OR9Q1: variants seen among roughly 807,000 people sequenced by gnomAD.
The protein encoded by OR9Q1 is olfactory receptor 9Q1.
For synonymous variants in OR9Q1, 153 were observed against 148.6 expected, an observed-to-expected ratio of 1.03 and a Z score of -0.22; for missense variants, 374 against 378.8, an observed-to-expected ratio of 0.99 and a Z score of 0.11.
At chr11:58,030,658 TAGAC>T (rs1220646263) in intron 1 of OR9Q1, among the ~76,000 whole-genome samples, 1 of 152,232 alleles carries the variant, frequency 6.6e-6, no homozygotes, top group Non-Finnish European at 1.5e-5. Context: ...GGTTCAGCTA[TAGAC>T]AGTCTTCCCT....
chr11:58,158,531 T>C (rs1854429477), intron 2 of OR9Q1, among the ~76,000 whole-genome samples: 1 of 151,930 alleles, frequency 6.6e-6, no homozygotes, highest in Non-Finnish European at 1.5e-5. Context: ...GTCCTTGCTA[T>C]ATCACATATC....
In OR9Q1 at chr11:58,180,120, A is replaced by C. The variant is rs748918619; in HGVS notation, c.676A>C (p.Met226Leu). ...CTACCTGTTTATCATCGTGGCCATCATGGGGATCCCTGCTGGAAGCCAGGC... is the reference window on the plus strand; with the variant it reads ...CTACCTGTTTATCATCGTGGCCATCCTGGGGATCCCTGCTGGAAGCCAGGC... ...VSYLFIIVAI[M>L]GIPAGSQAKT... is the part of the protein sequence containing the mutation. Residue 226 changes from methionine (M) to leucine (L), a missense_variant, in exon 3 of 3, where the codon ATG becomes CTG. By Grantham distance (15) the Met-to-Leu change is conservative. Transcript: ENST00000335397. The C allele has an allele frequency of 3.7e-6, 6 of 1,614,124 alleles. No individual in the cohort carries two copies. The East Asian group carries it at 1.1e-4, about 30-fold the overall frequency.
intron 2 of OR9Q1, among the ~76,000 whole-genome samples, chr11:58,157,812 T>C (rs1233995168): frequency 1.3e-5 from 2 of 152,236 alleles, no homozygotes; most frequent in African/African-American, 4.8e-5. Context: ...CTTCATTTCC[T>C]GAAAACTGGA....
intron 2 of OR9Q1, among the ~76,000 whole-genome samples, chr11:58,126,592 G>T (rs964014617): frequency 6.6e-6 from 1 of 152,172 alleles, no homozygotes; most frequent in Admixed American, 6.5e-5. Flanking sequence ...ACAAAGAAGG[G>T]TGGCAGCCAC....
chr11:58,090,320 C>T (rs989193881), intron 2 of OR9Q1, among the ~76,000 whole-genome samples: 3 of 152,120 alleles, frequency 2.0e-5, no homozygotes, highest in African/African-American at 4.8e-5. Context: ...AGATACGTTC[C>T]ATCAATACCT....
intron 2 of OR9Q1, among the ~76,000 whole-genome samples, chr11:58,149,415 A>G (rs1290901925): frequency 6.6e-6 from 1 of 152,118 alleles, no homozygotes; most frequent in Non-Finnish European, 1.5e-5. Flanking sequence ...TTTCCTCTTG[A>G]TTGTTTAAAG....
In OR9Q1 at chr11:58,034,790, C is replaced by CCT. The variant is rs1451299738; in HGVS notation, c.-93+10686_-93+10687insCT. Among the ~76,000 whole-genome samples the CCT allele has an allele frequency of 5.8e-3, 235 of 40,620 alleles. 1 individual carries two copies. The highest frequency in any genetic ancestry group is 0.019 in the Middle Eastern group (2 of 106). The allele number at this position is 40,620 out of a possible 152,430, so 26.6% of individuals were successfully genotyped here. On this transcript the variant is annotated intron_variant, in intron 1 of 2. Transcript: ENST00000335397. ...TCCTTCTTCCTTCCCTCCCTCCTTTCTCCCTTCCTTCCTTCCTTCCTTCCT... is the reference window on the plus strand; with the variant it reads ...TCCTTCTTCCTTCCCTCCCTCCTTTCCTTCCCTTCCTTCCTTCCTTCCTTCCT...
chr11:58,103,938 G>C (rs990370217), intron 2 of OR9Q1, among the ~76,000 whole-genome samples: 2 of 152,158 alleles, frequency 1.3e-5, no homozygotes, highest in Admixed American at 1.3e-4. Flanking sequence ...GCTTTGCTGG[G>C]GGTGGGCTCA....
At chr11:58,084,773 G>A (rs746670796) in intron 2 of OR9Q1, among the ~76,000 whole-genome samples, 1 of 151,734 alleles carries the variant, frequency 6.6e-6, no homozygotes, top group Non-Finnish European at 1.5e-5. Flanking sequence ...GACAGACTAG[G>A]CATCAAAGGA....
chr11:58,076,403 C>T (rs1008885427), intron 2 of OR9Q1, among the ~76,000 whole-genome samples: 3 of 152,182 alleles, frequency 2.0e-5, no homozygotes, highest in Admixed American at 6.6e-5. Context: ...GTTTGCATAG[C>T]TGTGGTGCCC....
chr11:58,131,208 T>A lies in OR9Q1; in HGVS notation c.-14-48223T>A, dbSNP rs543345382. 2.6e-5 allele frequency among the ~76,000 whole-genome samples: 4 copies of A among 152,180 alleles called. No individual in the cohort carries two copies. The East Asian group carries it at 5.8e-4, about 22-fold the overall frequency. On this transcript the variant is annotated intron_variant, in intron 2 of 2. Transcript: ENST00000335397. ...ATTCAAACTCAGACCTCCACAAAGG[T>A]TCAGGGATGTAAATTATTCTCAGCT...
chr11:58,106,479 G>A (rs945454858), intron 2 of OR9Q1, among the ~76,000 whole-genome samples: 20 of 152,094 alleles, frequency 1.3e-4, no homozygotes, highest in African/African-American at 4.3e-4. Flanking sequence ...TTCCTTTGCT[G>A]TGCTGAAGGT....
chr11:58,031,446 A>AC, intron 1 of OR9Q1: 1 of 1,613,884 alleles, frequency 6.2e-7, no homozygotes, highest in South Asian at 1.1e-5. Flanking sequence ...TTGCCAATCT[A>AC]CCTCTTGTCT....
Position 58,119,844 on chromosome 11 carries a change from T to C in OR9Q1, c.-14-59587T>C, listed in dbSNP as rs150567507. Among the ~76,000 whole-genome samples the C allele has an allele frequency of 8.5e-4, 130 of 152,258 alleles. 1 individual carries two copies. The highest frequency in any genetic ancestry group is 3.0e-3 in the African/African-American group (123 of 41,556). On this transcript the variant is annotated intron_variant, in intron 2 of 2. Transcript: ENST00000335397. The stretch of plus-strand genomic sequence containing the variant: ...CTCCATCTGCAAACAGTTCCACCTG[T>C]TGATTCTCTTTTTGGACCTAGGGTT...
intron 2 of OR9Q1, among the ~76,000 whole-genome samples, chr11:58,084,181 A>G (rs1000657120): frequency 6.6e-5 from 10 of 151,722 alleles, no homozygotes; most frequent in Non-Finnish European, 1.3e-4. Context: ...CACCTCCTTT[A>G]TTAGCGGTAT....
chr11:58,033,194 G>A (rs965460485), intron 1 of OR9Q1, among the ~76,000 whole-genome samples: 18 of 152,152 alleles, frequency 1.2e-4, no homozygotes, highest in African/African-American at 3.9e-4. Context: ...AAAGCAGTTT[G>A]AAGATTTCTC....
intron 2 of OR9Q1, among the ~76,000 whole-genome samples, chr11:58,076,425 A>G (rs1278984135): frequency 2.6e-5 from 4 of 152,174 alleles, no homozygotes; most frequent in Admixed American, 6.5e-5. Flanking sequence ...TTTCCTGGCT[A>G]GCTGTCAGCC....
chr11:58,031,126 G>T (rs1166656427), intron 1 of OR9Q1: 4 of 1,614,072 alleles, frequency 2.5e-6, no homozygotes, highest in African/African-American at 1.3e-5. Flanking sequence ...ACCGACTACG[G>T]AGACCCATGT....
intron 1 of OR9Q1, among the ~76,000 whole-genome samples, chr11:58,039,246 C>T (rs1016178240): frequency 2.0e-5 from 3 of 152,210 alleles, no homozygotes; most frequent in African/African-American, 7.2e-5. Context: ...GCCTTGGCCT[C>T]CCCAAGTTCT....
Sources: gnomAD v4.1 joint callset for allele counts (sites outside exome capture counted in the v4.1 genomes callset) on GRCh38, gnomAD v4.1.1 for gene constraint, MANE v1.5 for transcripts, NCBI Gene and HGNC (gene_info 2026-07-23, HGNC 2026-07-21) for gene names.